Variants in GPATCH2L observed in about 807,000 individuals in gnomAD.
The protein encoded by GPATCH2L is G-patch domain containing 2 like.
Under a neutral mutation model 57.4 loss-of-function variants are expected in GPATCH2L, and 31 were observed. The observed-to-expected ratio is 0.54, with a 90% CI of 0.41 to 0.73. The LOEUF is 0.73. Ranked by LOEUF, GPATCH2L falls within the 30% of genes least tolerant of loss-of-function variation. The pLI, the probability that GPATCH2L is intolerant of heterozygous loss-of-function variation, is 0.00. For synonymous variants in GPATCH2L, 199 were observed against 210.7 expected, an observed-to-expected ratio of 0.94 and a Z score of 0.48; for missense variants, 481 against 599.9, an observed-to-expected ratio of 0.80 and a Z score of 2.07.
At position 76,211,137 on chromosome 14, in the gene GPATCH2L, G is replaced by T. The variant is rs2040436036; in HGVS notation, c.*9286G>T. ...GAAGCCCTCCAAGGGTAAAAGCATGGTTTATTCAGAGCACTGCAAGTGTTT... is the reference window on the plus strand; with the variant it reads ...GAAGCCCTCCAAGGGTAAAAGCATGTTTTATTCAGAGCACTGCAAGTGTTT... On this transcript the variant is annotated 3_prime_UTR_variant, in exon 10 of 10. Coordinates refer to ENST00000261530, the MANE Select transcript of GPATCH2L (RefSeq NM_017926.4). 6.6e-6 allele frequency: 1 copy of T among 152,172 alleles called. No homozygotes were observed. Among genetic ancestry groups the T allele is most frequent in the Admixed American group, 6.5e-5 (1 of 15,268 alleles). The allele number at this position is 152,172 out of a possible 1,614,324, so 9.4% of individuals were successfully genotyped here.
rs1201827048 is a variant in GPATCH2L, at chr14:76,233,402, C to A, written c.*117+3449C>A. ...GGTGGTTTCAAATGATTGTCATTTG[C>A]CTTTCTGATTACAAATGAGGGAAAA... On this transcript the variant is annotated intron_variant and NMD_transcript_variant, in intron 2 of 3. Transcript: ENST00000556372. 1.3e-5 allele frequency among the ~76,000 whole-genome samples: 2 copies of A among 152,102 alleles called. 1 individual carries two copies. The highest frequency in any genetic ancestry group is 3.9e-4 in the East Asian group (2 of 5,194).
chr14:76,164,792 C>T (rs909136026), intron 2 of GPATCH2L, among the ~76,000 whole-genome samples: 1 of 152,126 alleles, frequency 6.6e-6, no homozygotes, highest in African/African-American at 2.4e-5. Flanking sequence ...AAGTTTACAG[C>T]GTTTAGCTAA....
At chr14:76,230,456 G>GA (rs948405179) in intron 2 of GPATCH2L, 1 of 152,006 alleles carries the variant, frequency 6.6e-6, no homozygotes, top group Non-Finnish European at 1.5e-5. Context: ...CTCAACTGTA[G>GA]AATAGATGGA....
downstream of GPATCH2L, among the ~76,000 whole-genome samples, chr14:76,216,803 CTGAAAG>C (rs2040491829): frequency 6.6e-6 from 1 of 152,050 alleles, no homozygotes; most frequent in African/African-American, 2.4e-5. Flanking sequence ...AAACACAACT[CTGAAAG>C]TGTGGTATAG....
intron 2 of GPATCH2L, among the ~76,000 whole-genome samples, chr14:76,162,779 GA>G (rs751892997): frequency 1.2e-4 from 19 of 152,320 alleles, no homozygotes; most frequent in East Asian, 9.6e-4. Flanking sequence ...TCAGTATGCT[GA>G]AAATGAGTGT....
chr14:76,228,359 G>A (rs1433027072), intron 1 of GPATCH2L, among the ~76,000 whole-genome samples: 1 of 152,150 alleles, frequency 6.6e-6, no homozygotes, highest in Admixed American at 6.5e-5. Context: ...GCGTGCGCGC[G>A]CGTGTGTGTG....
At chr14:76,167,672 C>T (rs752510816) in intron 3 of GPATCH2L, among the ~76,000 whole-genome samples, 4 of 152,114 alleles carry the variant, frequency 2.6e-5, no homozygotes, top group African/African-American at 9.7e-5. Context: ...TGTTGAGCTT[C>T]CTACTGTAAT....
chr14:76,156,055 T>C (rs1448464182), intron 2 of GPATCH2L, among the ~76,000 whole-genome samples: 1 of 152,220 alleles, frequency 6.6e-6, no homozygotes, highest in Non-Finnish European at 1.5e-5. Context: ...TGTTCACAAT[T>C]CCACTATATG....
chr14:76,195,647 G>A (rs992373483), intron 8 of GPATCH2L, among the ~76,000 whole-genome samples: 5 of 152,144 alleles, frequency 3.3e-5, no homozygotes, highest in Non-Finnish European at 7.3e-5. Context: ...AATTAATCTT[G>A]AATGTCTGCT....
Position 76,222,201 on chromosome 14 carries a change from T to A in GPATCH2L, c.66-7607T>A, listed in dbSNP as rs185844412. ...ACCCCAGAAAAAGCCTGGGATTTTT[T>A]AAAACCCCAAACCTTCATATTCTAA... On this transcript the variant is annotated intron_variant and NMD_transcript_variant, in intron 1 of 3. Transcript: ENST00000556372. 8.0e-3 allele frequency among the ~76,000 whole-genome samples: 1,212 copies of A among 152,342 alleles called. 6 individuals are homozygous for A. Among genetic ancestry groups the A allele is most frequent in the Middle Eastern group, 0.017 (5 of 294 alleles).
intron 2 of GPATCH2L, among the ~76,000 whole-genome samples, chr14:76,161,311 T>C (rs1403586648): frequency 1.3e-5 from 1 of 79,990 alleles, no homozygotes; most frequent in East Asian, 4.0e-4. Flanking sequence ...AATGACGATG[T>C]AAGCCATAAA....
chr14:76,223,579 A>C (rs2040524616), intron 1 of GPATCH2L, among the ~76,000 whole-genome samples: 1 of 152,238 alleles, frequency 6.6e-6, no homozygotes, highest in Admixed American at 6.5e-5. Flanking sequence ...AAAATAGATA[A>C]ATAAGCCTTT....
At chr14:76,230,342 AT>A (rs1030360718) in intron 2 of GPATCH2L, 8 of 152,114 alleles carry the variant, frequency 5.3e-5, no homozygotes, top group African/African-American at 1.7e-4. Flanking sequence ...CTCAGAAGTT[AT>A]TTAGGATCTG....
chr14:76,220,444 AC>A, intron 1 of GPATCH2L, among the ~76,000 whole-genome samples: 1 of 152,232 alleles, frequency 6.6e-6, no homozygotes, highest in African/African-American at 2.4e-5. Flanking sequence ...AGATAAATCT[AC>A]CAGAAAGATA....
intron 8 of GPATCH2L, among the ~76,000 whole-genome samples, chr14:76,195,231 T>C (rs1247630166): frequency 6.6e-6 from 1 of 152,222 alleles, no homozygotes; most frequent in East Asian, 1.9e-4. Context: ...TGAACTAAAA[T>C]AGCATACCAC....
In GPATCH2L at chr14:76,204,909, T is replaced by A. The variant is rs2040357635; in HGVS notation, c.*3058T>A. 3 of 152,206 alleles carry A rather than the reference T, an allele frequency of 2.0e-5. No homozygotes were observed. Among genetic ancestry groups the A allele is most frequent in the Non-Finnish European group, 2.9e-5 (2 of 68,034 alleles). 9.4% of individuals were successfully genotyped at this position (152,206 alleles called of 1,614,324 possible). On this transcript the variant is annotated 3_prime_UTR_variant, in exon 10 of 10. Transcript: ENST00000261530. ...TTACGAGTTTAAAGGAATTTTAGAT[T>A]TTTTTCAGATGCAGTATTTTAAAGG...
At chr14:76,224,641 A>C (rs74067671) in intron 1 of GPATCH2L, among the ~76,000 whole-genome samples, 3,779 of 152,262 alleles carry the variant, frequency 0.025, 146 homozygotes, top group African/African-American at 0.087. Context: ...ATATTTCCTA[A>C]TACTATTTCT....
intron 2 of GPATCH2L, among the ~76,000 whole-genome samples, chr14:76,165,645 A>G (rs905223519): frequency 2.0e-5 from 3 of 152,016 alleles, no homozygotes; most frequent in African/African-American, 7.2e-5. Flanking sequence ...GATCTTTTGC[A>G]TCTGGTATTC....
chr14:76,231,965 T>TCACTGCAGCCTCACTGCAGCCA (rs2040567115), intron 2 of GPATCH2L, among the ~76,000 whole-genome samples: 1 of 150,964 alleles, frequency 6.6e-6, no homozygotes, highest in Non-Finnish European at 1.5e-5. Flanking sequence ...CAAACACATC[T>TCACTGCAGCCTCACTGCAGCCA]CACTGCAGCC....
Sources: allele counts gnomAD v4.1 joint callset (sites outside exome capture counted in the v4.1 genomes callset), GRCh38; gene constraint gnomAD v4.1.1; transcripts MANE v1.5; gene names NCBI Gene and HGNC (gene_info 2026-07-23, HGNC 2026-07-21).